The following EIF2AK2 variants were observed in gnomAD, a reference collection of about 807,000 sequenced individuals.
EIF2AK2 encodes eukaryotic translation initiation factor 2 alpha kinase 2, also known as interferon-induced, double-stranded RNA-activated protein kinase.
Under a neutral mutation model 70.5 loss-of-function variants are expected in EIF2AK2, and 40 were observed. That is an observed-to-expected ratio of 0.57 (90% CI 0.44 to 0.74). EIF2AK2 has a LOEUF of 0.74. Ranked by LOEUF, EIF2AK2 falls within the 30% of genes least tolerant of loss-of-function variation. EIF2AK2 has a pLI of 0.00. For synonymous variants in EIF2AK2, 198 were observed against 220.9 expected (o/e 0.90, Z 0.92); for missense variants, 555 against 644.3 (o/e 0.86, Z 1.50).
At chr2:37,119,921 A>G in intron 13 of EIF2AK2, 38 bp downstream of exon 13, 2 of 1,077,716 alleles carry the variant, frequency 1.9e-6, no homozygotes, top group African/African-American at 1.7e-5. Flanking sequence ...TTACTATATT[A>G]TATATATATC....
At chr2:37,116,761 A>C (rs1303002925) in intron 13 of EIF2AK2, among the ~76,000 whole-genome samples, 1 of 152,250 alleles carries the variant, frequency 6.6e-6, no homozygotes, top group Non-Finnish European at 1.5e-5. Context: ...TGCAATGTGT[A>C]GGAATATGTC....
intron 4 of EIF2AK2, among the ~76,000 whole-genome samples, chr2:37,146,309 T>A (rs1021172069): frequency 6.6e-6 from 1 of 152,196 alleles, no homozygotes; most frequent in African/African-American, 2.4e-5. Context: ...TCTCACAATG[T>A]ATTCTCCTTG....
At chr2:37,138,133 C>T (rs1462138870) in intron 8 of EIF2AK2, 137 bp downstream of exon 8, 4 of 457,226 alleles carry the variant, frequency 8.7e-6, no homozygotes, top group East Asian at 4.2e-5. Context: ...AAAAAGTCTA[C>T]TGAGGTATTA....
In EIF2AK2 at chr2:37,101,158, G is replaced by C. The variant is rs1265129560; in HGVS notation, c.*6115C>G. On this transcript the variant is annotated 3_prime_UTR_variant, in exon 17 of 17. Coordinates refer to ENST00000233057, the MANE Select transcript of EIF2AK2 (RefSeq NM_001135651.3). ...TTTCCTCCTGCTCTATTCTAAACAT[G>C]CTAGTTTCAAAGTATTGGTTGGGCC... The C allele has an allele frequency of 1.3e-5, 2 of 152,100 alleles. No individual in the cohort carries two copies. Among genetic ancestry groups the C allele is most frequent in the African/African-American group, 2.4e-5 (1 of 41,410 alleles). 9.4% of individuals were successfully genotyped at this position (152,100 alleles called of 1,614,324 possible). A position where few individuals can be genotyped will look rare whatever the true frequency, so the allele number is the denominator to read the frequency against.
intron 5 of EIF2AK2, among the ~76,000 whole-genome samples, chr2:37,141,300 A>G (rs895878690): frequency 3.9e-5 from 6 of 152,218 alleles, no homozygotes; most frequent in Non-Finnish European, 8.8e-5. Context: ...TGTTCCACAG[A>G]CTAAACCATC....
chr2:37,139,563 G>A (rs1472735459), intron 6 of EIF2AK2, 68 bp downstream of exon 6: 1 of 1,575,266 alleles, frequency 6.3e-7, no homozygotes, highest in Non-Finnish European at 8.6e-7. Flanking sequence ...TGTTAACACA[G>A]TCTAACCTCA....
chr2:37,138,871 C>T (rs1675220923), intron 6 of EIF2AK2, among the ~76,000 whole-genome samples: 1 of 152,102 alleles, frequency 6.6e-6, no homozygotes, highest in South Asian at 2.1e-4. Context: ...TCTTGGCTCA[C>T]TGCAACCTCC....
chr2:37,111,875 AAAAATATATATATATAT>A (rs1674162605), intron 14 of EIF2AK2, among the ~76,000 whole-genome samples: 2 of 40,156 alleles, frequency 5.0e-5, no homozygotes, highest in African/African-American at 1.5e-4. Flanking sequence ...AAAAAAAAAA[AAAAATATATATATATAT>A]ATATATATAT....
At chr2:37,148,805 G>T (rs559060701) in intron 2 of EIF2AK2, 52 bp downstream of exon 2, 2 of 828,136 alleles carry the variant, frequency 2.4e-6, no homozygotes, top group East Asian at 2.4e-5. Flanking sequence ...GCATGTAATT[G>T]ACTTAGATGA....
chr2:37,137,040 A>G, intron 8 of EIF2AK2, 23 bp from the exon 9 acceptor site: 2 of 1,587,422 alleles, frequency 1.3e-6, no homozygotes, highest in Non-Finnish European at 1.7e-6. Flanking sequence ...AAAATGAGAA[A>G]TAGTTTCAGA....
chr2:37,149,864 T>C lies in EIF2AK2; in HGVS notation c.-183-841A>G, dbSNP rs560932165. Reference sequence around the variant, plus strand: ...ATCAGTTCACTCACAGCAGAGCACGTAGTTACACTGTCTCTTTGTCCTCCA... The same window carrying C: ...ATCAGTTCACTCACAGCAGAGCACGCAGTTACACTGTCTCTTTGTCCTCCA... On this transcript the variant is annotated intron_variant, in intron 1 of 16. Transcript: ENST00000233057. 3.9e-5 allele frequency among the ~76,000 whole-genome samples: 6 copies of C among 152,336 alleles called. 1 individual carries two copies. The highest frequency in any genetic ancestry group is 2.1e-4 in the South Asian group (1 of 4,830).
chr2:37,138,570 A>G lies in EIF2AK2; in HGVS notation c.532T>C (p.Ser178Pro), dbSNP rs1349574989. Reference sequence around the variant, plus strand: ...CACGTAGTAGCAAAAGAACCAGAGGACAGGTAGTCAGATTTCTGAAAGAAA... The same window carrying G: ...CACGTAGTAGCAAAAGAACCAGAGGGCAGGTAGTCAGATTTCTGAAAGAAA... ...EETSVKSDYL[S>P]SGSFATTCES... The change falls in exon 7 of 17, where the codon TCC becomes CCC. Residue 178 changes from serine (S) to proline (P), a missense_variant. By Grantham distance (74) the Ser-to-Pro change is moderately conservative (BLOSUM62 -1). Coordinates refer to ENST00000233057, the MANE Select transcript of EIF2AK2 (RefSeq NM_001135651.3). 6.2e-7 allele frequency: 1 copy of G among 1,614,148 alleles called. No homozygotes were observed. The highest frequency in any genetic ancestry group is 1.7e-5 in the Admixed American group (1 of 60,022).
At position 37,106,010 on chromosome 2, in the gene EIF2AK2, A is replaced by G. The variant is rs975770828; in HGVS notation, c.*1263T>C. The G allele has an allele frequency of 2.1e-4, 32 of 152,246 alleles. No individual in the cohort carries two copies. Among genetic ancestry groups the G allele is most frequent in the African/African-American group, 6.8e-4 (28 of 41,470 alleles). 9.4% of individuals were successfully genotyped at this position (152,246 alleles called of 1,614,324 possible). Reference sequence around the variant, plus strand: ...ACAAAATGTATTTAAGATAAAAGGTATAACTATGCAGCAAACACTAGTGGA... The same window carrying G: ...ACAAAATGTATTTAAGATAAAAGGTGTAACTATGCAGCAAACACTAGTGGA... On this transcript the variant is annotated 3_prime_UTR_variant, in exon 17 of 17. Transcript: ENST00000233057.
rs769591587 is a variant in EIF2AK2, at chr2:37,141,645, C to A, written c.297G>T (p.Gly99=). Residue 99 remains glycine, a synonymous_variant, in exon 5 of 17, where the codon GGG becomes GGT. Transcript: ENST00000233057. ...TTCTATTGATAAGGCCTATGTAATTCCCCATGGATAATCCTTCTGAAGAAT... is the reference window on the plus strand; with the variant it reads ...TTCTATTGATAAGGCCTATGTAATTACCCATGGATAATCCTTCTGAAGAAT... ...TTNSSEGLSM[G]NYIGLINRIA... The A allele has an allele frequency of 1.9e-6, 3 of 1,613,950 alleles. No homozygotes were observed. Among genetic ancestry groups the A allele is most frequent in the African/African-American group, 1.3e-5 (1 of 75,010 alleles).
chr2:37,130,824 A>G (rs1172950826), intron 10 of EIF2AK2, among the ~76,000 whole-genome samples: 1 of 152,160 alleles, frequency 6.6e-6, no homozygotes, highest in African/African-American at 2.4e-5. Flanking sequence ...TGGACAATTT[A>G]CTTCTTTGCA....
chr2:37,127,315 C>T (rs1674775336), intron 10 of EIF2AK2, among the ~76,000 whole-genome samples: 1 of 152,168 alleles, frequency 6.6e-6, no homozygotes, highest in African/African-American at 2.4e-5. Flanking sequence ...TCCCCCACTC[C>T]AATCTATGAT....
intron 9 of EIF2AK2, 157 bp downstream of exon 9, chr2:37,136,825 CG>C (rs4648195): frequency 0.011 from 6,439 of 610,922 alleles, 62 homozygotes; most frequent in Non-Finnish European, 0.013. Context: ...AAAGATTTCT[CG>C]ACACATCTAA....
Position 37,145,465 on chromosome 2 carries a change from G to T in EIF2AK2, c.240+1388C>A, listed in dbSNP as rs189301561. Among the ~76,000 whole-genome samples the T allele has an allele frequency of 3.2e-3, 483 of 152,198 alleles. 1 individual carries two copies. The highest frequency in any genetic ancestry group is 5.6e-3 in the Non-Finnish European group (382 of 68,010). On this transcript the variant is annotated intron_variant, in intron 4 of 16. Transcript: ENST00000233057. ...GCCGCGTTTGTGTTTTAGGCTAAGT[G>T]TTATTTGGAAAGAGTGAAAATGTTA...
Position 37,100,552 on chromosome 2 carries a change from A to G in EIF2AK2, c.*6721T>C, listed in dbSNP as rs896057571. On this transcript the variant is annotated 3_prime_UTR_variant, in exon 17 of 17. Coordinates refer to ENST00000233057, the MANE Select transcript of EIF2AK2 (RefSeq NM_001135651.3). ...TAGAATTTAAGCCAATAATGTCACCATATAACTATCAACTGTGATTCCCTT... is the reference window on the plus strand; with the variant it reads ...TAGAATTTAAGCCAATAATGTCACCGTATAACTATCAACTGTGATTCCCTT... 2 of 152,258 alleles carry G rather than the reference A, an allele frequency of 1.3e-5. No homozygotes were observed. Among genetic ancestry groups the G allele is most frequent in the East Asian group, 3.8e-4 (2 of 5,208 alleles). 9.4% of individuals were successfully genotyped at this position (152,258 alleles called of 1,614,324 possible). A position where few individuals can be genotyped will look rare whatever the true frequency, so the allele number is the denominator to read the frequency against.
Sources: gnomAD v4.1 joint callset for allele counts (sites outside exome capture counted in the v4.1 genomes callset) on GRCh38, gnomAD v4.1.1 for gene constraint, MANE v1.5 for transcripts, NCBI Gene and HGNC (gene_info 2026-07-23, HGNC 2026-07-21) for gene names.